Variants in OSBPL1A observed in about 807,000 individuals in gnomAD.
The protein encoded by OSBPL1A is oxysterol-binding protein-related protein 1.
In OSBPL1A, 80 loss-of-function variants were observed where a neutral mutation model predicts 137.1. That is an observed-to-expected ratio of 0.58 (90% CI 0.49 to 0.70). The LOEUF (loss-of-function observed/expected upper bound fraction) is 0.70, where lower values mean the gene tolerates loss of function less well. Among genes scored for constraint, OSBPL1A ranks in the 30% least tolerant of loss-of-function variants. The pLI, the probability that OSBPL1A is intolerant of heterozygous loss-of-function variation, is 0.00. For missense variants in OSBPL1A, 970 were observed against 1,129.4 expected (o/e 0.86, Z 2.02); for synonymous variants, 365 against 389.7 (o/e 0.94, Z 0.75).
chr18:24,239,256 T>C lies in OSBPL1A; in HGVS notation c.1408A>G (p.Ile470Val). ...TCATAGAACTCGTCCTCGCTAAGGA[T>C]GCTGGCGGGTGGAGAGCCTTTCACC... is the stretch of plus-strand genomic sequence containing the variant. ...SLVKGSPPAS[I>V]LSEDEFYDAL... The change falls in exon 16 of 28, where the codon ATC (isoleucine) becomes GTC (valine). Residue 470 changes from isoleucine to valine, a missense_variant. Ile to Val is a conservative substitution (Grantham distance 29). Coordinates refer to ENST00000319481, the MANE Select transcript of OSBPL1A (RefSeq NM_080597.4). 1 of 1,614,044 alleles carries C rather than the reference T, an allele frequency of 6.2e-7. No individual in the cohort carries two copies. The highest frequency in any genetic ancestry group is 2.2e-5 in the East Asian group (1 of 44,892).
chr18:24,256,451 G>A (rs1035666065), intron 15 of OSBPL1A, among the ~76,000 whole-genome samples: 1 of 151,882 alleles, frequency 6.6e-6, no homozygotes, highest in Non-Finnish European at 1.5e-5. Context: ...TCAAAAAACT[G>A]GTATAAAAGG....
At chr18:24,181,790 C>T (rs1010936535) in intron 18 of OSBPL1A, among the ~76,000 whole-genome samples, 1 of 152,158 alleles carries the variant, frequency 6.6e-6, no homozygotes, top group Non-Finnish European at 1.5e-5. Context: ...GAATGTTACA[C>T]TTTCCCCAAA....
intron 11 of OSBPL1A, among the ~76,000 whole-genome samples, chr18:24,316,854 T>G (rs1355070758): frequency 6.6e-6 from 1 of 152,244 alleles, no homozygotes; most frequent in Non-Finnish European, 1.5e-5. Context: ...TTGCATGTAC[T>G]AGGATATTTC....
chr18:24,209,494 T>C (rs112832095), intron 17 of OSBPL1A, among the ~76,000 whole-genome samples: 2 of 152,272 alleles, frequency 1.3e-5, no homozygotes, highest in African/African-American at 4.8e-5. Flanking sequence ...CTTACAAAGC[T>C]AAACACACAT....
At chr18:24,215,704 G>A (rs904630704) in intron 17 of OSBPL1A, among the ~76,000 whole-genome samples, 3 of 152,152 alleles carry the variant, frequency 2.0e-5, no homozygotes, top group African/African-American at 7.2e-5. Flanking sequence ...TGTATTTGTA[G>A]AGACCAAATC....
chr18:24,173,811 C>A (rs1046380868), intron 21 of OSBPL1A, among the ~76,000 whole-genome samples: 1 of 152,198 alleles, frequency 6.6e-6, no homozygotes. Context: ...TGTGTAACCA[C>A]CACCAACACA....
rs758146206 is a variant in OSBPL1A, at chr18:24,178,076, A to G, written c.2030T>C (p.Leu677Pro). ...FIFHGSIYPK[L>P]KFWGKSVEAE... is the part of the protein sequence containing the mutation. ...TTCTACACTCTTCCCCCAGAATTTC[A>G]GTTTGGGATAGATAGAGCCATGAAA... The change falls in exon 21 of 28, where the codon CTG (leucine) becomes CCG (proline). Residue 677 changes from leucine (L) to proline (P), a missense_variant. Leu to Pro is a moderately conservative substitution (Grantham distance 98). Around this residue, in one of 2 missense-constraint regions of OSBPL1A, gnomAD observed 323 missense variants for 456.8 expected, o/e 0.71. Transcript: ENST00000319481. The G allele has an allele frequency of 2.2e-5, 36 of 1,613,952 alleles. No individual in the cohort carries two copies. The highest frequency in any genetic ancestry group is 3.1e-5 in the Non-Finnish European group (36 of 1,179,884).
chr18:24,351,484 G>A (rs1476233299), intron 4 of OSBPL1A, among the ~76,000 whole-genome samples: 4 of 151,826 alleles, frequency 2.6e-5, no homozygotes, highest in African/African-American at 7.3e-5. Flanking sequence ...TTAAAATTAC[G>A]TGATGAGAAA....
intron 13 of OSBPL1A, among the ~76,000 whole-genome samples, 191 bp from the exon 14 acceptor site, chr18:24,303,909 A>G (rs1230806561): frequency 1.3e-5 from 2 of 152,202 alleles, no homozygotes; most frequent in African/African-American, 4.8e-5. Flanking sequence ...TCAAGTGTAA[A>G]GTAAAAATAA....
intron 18 of OSBPL1A, among the ~76,000 whole-genome samples, chr18:24,187,820 G>T (rs8093789): frequency 2.0e-5 from 3 of 152,022 alleles, no homozygotes; most frequent in Non-Finnish European, 4.4e-5. Context: ...GGCAGTGAGG[G>T]ACAGGGTGCT....
rs770790073 is a variant in OSBPL1A at position 24,333,018 on chromosome 18, T to C, written c.549A>G (p.Ala183=). The C allele has an allele frequency of 9.9e-6, 16 of 1,614,090 alleles. No homozygotes were observed. In the Admixed American group the frequency reaches 2.5e-4, roughly 25 times the overall value. The part of the protein sequence containing the change: ...DQLGNTPLHC[A]AYRAHKQCAL... ...CACATTGTTTATGGGCCCGGTAAGCTGCACAATGCAAGGGTGTATTTCCTA... is the reference window on the plus strand; with the variant it reads ...CACATTGTTTATGGGCCCGGTAAGCCGCACAATGCAAGGGTGTATTTCCTA... Residue 183 remains alanine, a synonymous_variant, in exon 7 of 28, where the codon GCA becomes GCG. Coordinates refer to ENST00000319481, the MANE Select transcript of OSBPL1A (RefSeq NM_080597.4).
At chr18:24,269,419 C>T (rs1599592959) in intron 15 of OSBPL1A, among the ~76,000 whole-genome samples, 2 of 152,142 alleles carry the variant, frequency 1.3e-5, no homozygotes, top group South Asian at 2.1e-4. Context: ...TATGTTGCAC[C>T]TTCTGTAAGA....
Position 24,289,901 on chromosome 18 carries a change from G to A in OSBPL1A, c.1175-8953C>T, listed in dbSNP as rs185293084. Among the ~76,000 whole-genome samples, 31 of 152,178 alleles carry A rather than the reference G, an allele frequency of 2.0e-4. No individual in the cohort carries two copies. The East Asian group carries it at 5.4e-3, about 26-fold the overall frequency. Reference sequence around the variant, plus strand: ...TAGGGCTGTTACCAGGCACAAATAAGTTAATATAGATGCTCCGCAACTTAC... The same window carrying A: ...TAGGGCTGTTACCAGGCACAAATAAATTAATATAGATGCTCCGCAACTTAC... On this transcript the variant is annotated intron_variant, in intron 14 of 27. Coordinates refer to ENST00000319481, the MANE Select transcript of OSBPL1A (RefSeq NM_080597.4).
intron 18 of OSBPL1A, among the ~76,000 whole-genome samples, chr18:24,191,494 C>T (rs548071933): frequency 6.6e-6 from 1 of 152,046 alleles, no homozygotes; most frequent in East Asian, 1.9e-4. Context: ...ATATTCATCT[C>T]AGATATCTAA....
intron 16 of OSBPL1A, among the ~76,000 whole-genome samples, chr18:24,232,543 T>C (rs1329916019): frequency 6.6e-6 from 1 of 152,214 alleles, no homozygotes; most frequent in East Asian, 1.9e-4. Flanking sequence ...ATACAAACCG[T>C]AGTGTGTGGG....
chr18:24,365,341 T>G (rs1232828257), intron 4 of OSBPL1A, among the ~76,000 whole-genome samples: 1 of 152,080 alleles, frequency 6.6e-6, no homozygotes, highest in Non-Finnish European at 1.5e-5. Flanking sequence ...TCCTAGCATT[T>G]TGGGAGGCTG....
At position 24,314,301 on chromosome 18, in the gene OSBPL1A, T is replaced by C. The variant is rs2090678203; in HGVS notation, c.917A>G (p.Asp306Gly). The change falls in exon 12 of 28, where the codon GAC becomes GGC. Residue 306 changes from aspartate to glycine, a missense_variant. Physicochemically the swap from Asp to Gly is moderately conservative, Grantham distance 94 (BLOSUM62 -1). This residue lies in a region of OSBPL1A where 647 missense variants were observed against 672.6 expected (regional missense o/e 0.96). Coordinates refer to ENST00000319481, the MANE Select transcript of OSBPL1A (RefSeq NM_080597.4). ...AGGAACCCGGAAGCCATGAATGGTG[T>C]CATCAAAGCATTTAATAAAGAAGAG... Reference protein sequence around the residue: ...SCLFFIKCFDDTIHGFRVPKN... With the variant: ...SCLFFIKCFDGTIHGFRVPKN... The C allele has an allele frequency of 6.2e-7, 1 of 1,611,964 alleles. No homozygotes were observed. The highest frequency in any genetic ancestry group is 8.5e-7 in the Non-Finnish European group (1 of 1,179,378).
chr18:24,181,712 G>A (rs1365946401), intron 18 of OSBPL1A, among the ~76,000 whole-genome samples: 1 of 152,126 alleles, frequency 6.6e-6, no homozygotes, highest in Non-Finnish European at 1.5e-5. Flanking sequence ...TAAGCAAACC[G>A]CTGAAACCCT....
At chr18:24,347,411 T>C (rs576807452) in intron 4 of OSBPL1A, among the ~76,000 whole-genome samples, 7 of 152,166 alleles carry the variant, frequency 4.6e-5, no homozygotes, top group African/African-American at 1.7e-4. Flanking sequence ...TCTTGAACTC[T>C]TGACCTCAGG....
Sources: allele counts gnomAD v4.1 joint callset (sites outside exome capture counted in the v4.1 genomes callset), GRCh38; gene constraint gnomAD v4.1.1; regional missense constraint gnomAD v4.1.1; transcripts MANE v1.5; gene names NCBI Gene and HGNC (gene_info 2026-07-23, HGNC 2026-07-21).